The following FNDC3B variants were observed in gnomAD, a reference collection of about 807,000 sequenced individuals.
The protein encoded by FNDC3B is fibronectin type III domain-containing protein 3B.
A neutral mutation model predicts 151.5 loss-of-function variants in FNDC3B; 12 were observed. That is an observed-to-expected ratio of 0.08 (90% CI 0.05 to 0.13). The LOEUF (loss-of-function observed/expected upper bound fraction) is 0.13. FNDC3B is among the 10% of genes least tolerant of loss of function. The pLI is 1.00. For synonymous variants in FNDC3B, 528 were observed against 549.0 expected, an observed-to-expected ratio of 0.96 and a Z score of 0.54; for missense variants, 1,214 against 1,505.3, an observed-to-expected ratio of 0.81 and a Z score of 3.20.
At chr3:172,091,505 G>A (rs889295756) in intron 1 of FNDC3B, among the ~76,000 whole-genome samples, 1 of 151,324 alleles carries the variant, frequency 6.6e-6, no homozygotes, top group Non-Finnish European at 1.5e-5. Context: ...TAGATTTAGA[G>A]ATGAGCATTG....
At chr3:172,310,318 C>T (rs1011165417) in intron 10 of FNDC3B, among the ~76,000 whole-genome samples, 1 of 152,164 alleles carries the variant, frequency 6.6e-6, no homozygotes, top group Non-Finnish European at 1.5e-5. Context: ...TCCAGAGGAT[C>T]ACATTTTTTC....
intron 6 of FNDC3B, among the ~76,000 whole-genome samples, chr3:172,268,664 C>A (rs560806794): frequency 6.6e-6 from 1 of 152,142 alleles, no homozygotes; most frequent in Non-Finnish European, 1.5e-5. Flanking sequence ...CGTGGTATTG[C>A]TAGGACCTTA....
chr3:172,059,330 C>T lies in FNDC3B; in HGVS notation c.-29+19559C>T, dbSNP rs144451497. 1.5e-3 allele frequency among the ~76,000 whole-genome samples: 221 copies of T among 152,188 alleles called. 5 individuals are homozygous for T. In the East Asian group the frequency reaches 0.037, roughly 25 times the overall value. On this transcript the variant is annotated intron_variant, in intron 1 of 25. Transcript: ENST00000415807. The stretch of plus-strand genomic sequence containing the variant: ...ATAGTAAGAAGTCCTGTGATCCATA[C>T]ACCTTCCCAGTGGGTTTTTGGATAA...
At chr3:172,209,517 C>T (rs1043084195) in intron 3 of FNDC3B, among the ~76,000 whole-genome samples, 11 of 152,212 alleles carry the variant, frequency 7.2e-5, no homozygotes, top group East Asian at 3.9e-4. Context: ...GGTGATGAGT[C>T]GCTGAGTCTG....
intron 1 of FNDC3B, among the ~76,000 whole-genome samples, chr3:172,090,395 T>G (rs1030109464): frequency 6.6e-6 from 1 of 151,574 alleles, no homozygotes; most frequent in South Asian, 2.1e-4. Context: ...AGTGGGCATG[T>G]GAGAGGAAAC....
chr3:172,377,003 A>C (rs1406109046), intron 23 of FNDC3B, among the ~76,000 whole-genome samples: 1 of 152,182 alleles, frequency 6.6e-6, no homozygotes, highest in Admixed American at 6.5e-5. Flanking sequence ...CCTTGCCCAC[A>C]CTCAGGACCA....
At chr3:172,075,183 A>G (rs921882480) in intron 1 of FNDC3B, among the ~76,000 whole-genome samples, 2 of 152,176 alleles carry the variant, frequency 1.3e-5, no homozygotes, top group Admixed American at 1.3e-4. Context: ...TGACTGTCCA[A>G]AGATATGTAC....
rs749279205 is a variant in FNDC3B, at chr3:172,392,524, T to G, written c.3304-4640T>G. Among the ~76,000 whole-genome samples the G allele has an allele frequency of 1.7e-3, 253 of 152,206 alleles. 2 individuals carry two copies. The highest frequency in any genetic ancestry group is 2.6e-3 in the Non-Finnish European group (180 of 68,008). Reference sequence around the variant, plus strand: ...GCCTCCGTTCCAGACCATAAGATCCTTTTTTTGTCTTTCAACTTGGAGCCA... The same window carrying G: ...GCCTCCGTTCCAGACCATAAGATCCGTTTTTTGTCTTTCAACTTGGAGCCA... On this transcript the variant is annotated intron_variant, in intron 25 of 25. Transcript: ENST00000415807.
In FNDC3B at chr3:172,246,615, G is replaced by A. The variant is rs1486440261; in HGVS notation, c.265-918G>A. 4.6e-5 allele frequency among the ~76,000 whole-genome samples: 7 copies of A among 152,336 alleles called. No homozygotes were observed. The East Asian group carries it at 9.6e-4, about 21-fold the overall frequency. On this transcript the variant is annotated intron_variant, in intron 4 of 25. Transcript: ENST00000415807. ...GAAAACATTCAGAGGAGCTGGGCAC[G>A]GTCGTGCATGCCTGTAGTCCCAGCT...
At chr3:172,142,119 G>A (rs1055007107) in intron 3 of FNDC3B, among the ~76,000 whole-genome samples, 2 of 152,126 alleles carry the variant, frequency 1.3e-5, no homozygotes, top group South Asian at 2.1e-4. Context: ...GAGTTATTGT[G>A]TACAGAGCAC....
At chr3:172,234,143 C>T (rs943682248) in intron 4 of FNDC3B, among the ~76,000 whole-genome samples, 11 of 152,108 alleles carry the variant, frequency 7.2e-5, no homozygotes, top group Admixed American at 4.6e-4. Flanking sequence ...ATCCCGGCAT[C>T]GTGACATAAT....
chr3:172,179,087 A>C (rs1445639496), intron 3 of FNDC3B, among the ~76,000 whole-genome samples: 1 of 152,088 alleles, frequency 6.6e-6, no homozygotes, highest in African/African-American at 2.4e-5. Flanking sequence ...TTAGGGACAG[A>C]GTCTTGCTTT....
chr3:172,201,527 G>A (rs577752498), intron 3 of FNDC3B, among the ~76,000 whole-genome samples: 2 of 152,290 alleles, frequency 1.3e-5, no homozygotes, highest in South Asian at 4.1e-4. Flanking sequence ...TAGCAGTACT[G>A]TAAGCTCTAG....
chr3:172,365,883 G>A (rs767993402), intron 23 of FNDC3B, among the ~76,000 whole-genome samples: 3 of 152,198 alleles, frequency 2.0e-5, no homozygotes, highest in East Asian at 1.9e-4. Flanking sequence ...GAGTTGAGTC[G>A]ATTTTAGCAA....
chr3:172,291,068 TA>T (rs1730302951), intron 7 of FNDC3B, among the ~76,000 whole-genome samples: 1 of 152,200 alleles, frequency 6.6e-6, no homozygotes, highest in Non-Finnish European at 1.5e-5. Flanking sequence ...ATCATTTGCA[TA>T]ATAATAAAAT....
intron 23 of FNDC3B, among the ~76,000 whole-genome samples, chr3:172,376,827 C>A (rs1412908641): frequency 6.9e-6 from 1 of 144,420 alleles, no homozygotes; most frequent in Non-Finnish European, 1.5e-5. Flanking sequence ...TTAAAGTAAG[C>A]ATTGACTCTG....
intron 2 of FNDC3B, among the ~76,000 whole-genome samples, chr3:172,132,672 A>G (rs1466044503): frequency 1.3e-5 from 2 of 152,210 alleles, no homozygotes; most frequent in Admixed American, 1.3e-4. Flanking sequence ...TGCTGGGATT[A>G]CAGGCGTGAG....
At chr3:172,044,759 C>T (rs1369220250) in intron 1 of FNDC3B, among the ~76,000 whole-genome samples, 2 of 152,146 alleles carry the variant, frequency 1.3e-5, no homozygotes, top group Non-Finnish European at 2.9e-5. Context: ...ATATAGGAAA[C>T]ATGATTTAAC....
intron 3 of FNDC3B, among the ~76,000 whole-genome samples, chr3:172,144,706 A>T (rs1031269956): frequency 8.8e-6 from 1 of 114,210 alleles, no homozygotes; most frequent in African/African-American, 2.9e-5. Flanking sequence ...TAAAAGGCAA[A>T]CTTTTTTTTT....
Sources: allele counts gnomAD v4.1 joint callset (sites outside exome capture counted in the v4.1 genomes callset), GRCh38; gene constraint gnomAD v4.1.1; transcripts MANE v1.5; gene names NCBI Gene and HGNC (gene_info 2026-07-23, HGNC 2026-07-21).